ABCA13: variants seen among roughly 807,000 people sequenced by gnomAD.
ABCA13 encodes ATP binding cassette subfamily A member 13.
Under a neutral mutation model 478.7 loss-of-function variants are expected in ABCA13, and 476 were observed. The observed-to-expected ratio is 0.99, with a 90% CI of 0.92 to 1.07. The LOEUF (loss-of-function observed/expected upper bound fraction) is 1.07, where lower values mean the gene tolerates loss of function less well. ABCA13 is among the 50% of genes least tolerant of loss of function. The pLI, the probability that ABCA13 is intolerant of heterozygous loss-of-function variation, is 0.00. For missense variants in ABCA13, 6,060 were observed against 5,910.6 expected (o/e 1.03, Z -0.83); for synonymous variants, 2,252 against 2,158.9 (o/e 1.04, Z -1.20).
chr7:48,232,337 A>G lies in ABCA13; in HGVS notation c.764-1681A>G, dbSNP rs571238329. 2.0e-5 allele frequency among the ~76,000 whole-genome samples: 3 copies of G among 151,922 alleles called. No individual in the cohort carries two copies. The South Asian group carries it at 6.2e-4, about 32-fold the overall frequency. On this transcript the variant is annotated intron_variant, in intron 7 of 61. Transcript: ENST00000435803. ...TGACCTTAATTTAACAGACTCATTT[A>G]GAAGCTCAAGTTTTTGTACATCATC...
chr7:48,344,512 C>T (rs1584940460), intron 29 of ABCA13, among the ~76,000 whole-genome samples: 1 of 152,146 alleles, frequency 6.6e-6, no homozygotes, highest in Non-Finnish European at 1.5e-5. Flanking sequence ...GGGCTTGGCC[C>T]CACATTAGTG....
chr7:48,566,807 G>A (rs1787117528), intron 55 of ABCA13, among the ~76,000 whole-genome samples: 1 of 152,088 alleles, frequency 6.6e-6, no homozygotes, highest in Non-Finnish European at 1.5e-5. Context: ...AGAGCAGCAG[G>A]TATTTAAGCC....
chr7:48,634,577 T>C (rs1186926343), intron 59 of ABCA13, among the ~76,000 whole-genome samples: 1 of 152,174 alleles, frequency 6.6e-6, no homozygotes, highest in Admixed American at 6.5e-5. Flanking sequence ...ATTCCAAACT[T>C]CCACAATCAA....
chr7:48,508,115 G>A, intron 50 of ABCA13, 66 bp downstream of exon 50: 2 of 1,599,462 alleles, frequency 1.3e-6, no homozygotes, highest in Non-Finnish European at 1.7e-6. Flanking sequence ...GTGTATGGAG[G>A]GATGGAGGGG....
In ABCA13 at chr7:48,516,827, T is replaced by A; in HGVS notation, c.13743T>A (p.Cys4581Ter). 1.2e-6 allele frequency: 2 copies of A among 1,613,816 alleles called. No individual in the cohort carries two copies. Among genetic ancestry groups the A allele is most frequent in the Non-Finnish European group, 1.7e-6 (2 of 1,179,728 alleles). Residue 4581 changes from cysteine (C) to a stop codon, truncating the protein, a stop_gained, in exon 52 of 62, where the codon TGT becomes TGA. Transcript: ENST00000435803. LOFTEE classifies it high-confidence loss of function. The stretch of plus-strand genomic sequence containing the variant: ...CACTAAACTTCATCTTTGGCCTTTG[T>A]ACCATGCTCATAACCATTATGCCCC... ...YVSLNFIFGL[C>*]TMLITIMPRL...
intron 23 of ABCA13, among the ~76,000 whole-genome samples, chr7:48,309,580 CTT>C: frequency 1.3e-5 from 2 of 152,138 alleles, no homozygotes; most frequent in South Asian, 4.2e-4. Flanking sequence ...AAGGGTAAGA[CTT>C]AATATCAGAC....
At chr7:48,489,095 T>C (rs1829610459) in intron 47 of ABCA13, 141 bp from the exon 48 acceptor site, 6 of 606,756 alleles carry the variant, frequency 9.9e-6, no homozygotes, top group African/African-American at 1.9e-5. Flanking sequence ...CTGTCAGCCA[T>C]GCAGGAACAT....
chr7:48,578,859 C>G (rs12535273), intron 55 of ABCA13, among the ~76,000 whole-genome samples: 24,856 of 152,066 alleles, frequency 0.16, 2,240 homozygotes, highest in East Asian at 0.3. Flanking sequence ...TGATATATGA[C>G]AAAAGAACAA....
At chr7:48,322,821 G>A (rs759899767) in intron 27 of ABCA13, among the ~76,000 whole-genome samples, 6 of 151,900 alleles carry the variant, frequency 3.9e-5, no homozygotes, top group Non-Finnish European at 5.9e-5. Context: ...TCCATTGCCC[G>A]AGCCCACACC....
At position 48,244,583 on chromosome 7, in the gene ABCA13, C is replaced by T; in HGVS notation, c.1270C>T (p.His424Tyr). The T allele has an allele frequency of 6.2e-7, 1 of 1,613,096 alleles. No individual in the cohort carries two copies. The highest frequency in any genetic ancestry group is 8.5e-7 in the Non-Finnish European group (1 of 1,179,540). Reference sequence around the variant, plus strand: ...ATTTATTTTTGCCCTCAGATTACAGCATCTGTGGAAATTGCAAAGCTTGCT... The same window carrying T: ...ATTTATTTTTGCCCTCAGATTACAGTATCTGTGGAAATTGCAAAGCTTGCT... Reference protein sequence around the residue: ...DNHTFPKILQHLWKLQSLLQN... With the variant: ...DNHTFPKILQYLWKLQSLLQN... Residue 424 changes from histidine (H) to tyrosine (Y), a missense_variant, in exon 11 of 62, where the codon CAT becomes TAT. By Grantham distance (83) the His-to-Tyr change is moderately conservative. Transcript: ENST00000435803.
At chr7:48,412,904 C>G (rs112407285) in intron 41 of ABCA13, among the ~76,000 whole-genome samples, 2 of 151,374 alleles carry the variant, frequency 1.3e-5, no homozygotes, top group Non-Finnish European at 2.9e-5. Context: ...CTCTGCCTCC[C>G]GGGTTCACGC....
chr7:48,350,413 T>G (rs556839957), intron 29 of ABCA13, among the ~76,000 whole-genome samples: 1 of 152,312 alleles, frequency 6.6e-6, no homozygotes, highest in East Asian at 1.9e-4. Context: ...TGTTTTTTTT[T>G]CATGTACATG....
In ABCA13 at chr7:48,466,184, G is replaced by A. The variant is rs865858451; in HGVS notation, c.12816-772G>A. 2.6e-5 allele frequency among the ~76,000 whole-genome samples: 4 copies of A among 152,066 alleles called. No individual in the cohort carries two copies. The South Asian group carries it at 8.3e-4, about 32-fold the overall frequency. ...AGTCCAATTTAGAAAATCTTAAAAT[G>A]TCTTTTTCTCTACATTTTCTCAAGA... On this transcript the variant is annotated intron_variant, in intron 43 of 61. Coordinates refer to ENST00000435803, the MANE Select transcript of ABCA13 (RefSeq NM_152701.5).
intron 48 of ABCA13, among the ~76,000 whole-genome samples, chr7:48,490,087 CTTTATTTTTCCATA>C (rs2130691258): frequency 6.6e-6 from 1 of 152,246 alleles, no homozygotes; most frequent in South Asian, 2.1e-4. Context: ...TTCAATCATA[CTTTATTTTTCCATA>C]TTTATTTTTC....
chr7:48,248,960 T>G (rs1167292728), intron 14 of ABCA13, among the ~76,000 whole-genome samples: 2 of 152,220 alleles, frequency 1.3e-5, no homozygotes, highest in East Asian at 3.8e-4. Flanking sequence ...CCTCTTTTTT[T>G]GTCCTTCTTG....
chr7:48,629,173 G>A (rs187699154), intron 59 of ABCA13, among the ~76,000 whole-genome samples: 24 of 152,268 alleles, frequency 1.6e-4, no homozygotes, highest in Middle Eastern at 6.8e-3. Context: ...ATATTGTGCT[G>A]TCACCTTCTC....
intron 35 of ABCA13, among the ~76,000 whole-genome samples, chr7:48,377,788 A>G (rs35265841): frequency 0.018 from 2,692 of 152,358 alleles, 29 homozygotes; most frequent in Non-Finnish European, 0.027. Flanking sequence ...GAGAAGGCCA[A>G]GGGTTCAAGG....
chr7:48,603,164 G>A (rs78035713), intron 58 of ABCA13, among the ~76,000 whole-genome samples: 1 of 152,140 alleles, frequency 6.6e-6, no homozygotes, highest in African/African-American at 2.4e-5. Context: ...ATATAGTCAT[G>A]TCAACTGCAA....
At chr7:48,285,155 A>C (rs1409548091) in intron 19 of ABCA13, among the ~76,000 whole-genome samples, 1 of 152,100 alleles carries the variant, frequency 6.6e-6, no homozygotes, top group African/African-American at 2.4e-5. Flanking sequence ...AGTGAGAGTG[A>C]GTTTCCCAGG....
Sources: gnomAD v4.1 joint callset for allele counts (sites outside exome capture counted in the v4.1 genomes callset) on GRCh38, gnomAD v4.1.1 for gene constraint, MANE v1.5 for transcripts, NCBI Gene and HGNC (gene_info 2026-07-23, HGNC 2026-07-21) for gene names.